CAPZB: variants seen among roughly 807,000 people sequenced by gnomAD.
CAPZB encodes the protein F-actin-capping protein subunit beta.
In CAPZB, 2 loss-of-function variants were observed where a neutral mutation model predicts 38.1. That is an observed-to-expected ratio of 0.05 (90% CI 0.02 to 0.17). The LOEUF is 0.17. Among genes scored for constraint, CAPZB ranks in the 10% least tolerant of loss-of-function variants. The pLI is 1.00. For synonymous variants in CAPZB, 107 were observed against 127.4 expected, an observed-to-expected ratio of 0.84 and a Z score of 1.08; for missense variants, 161 against 334.2, an observed-to-expected ratio of 0.48 and a Z score of 4.04.
intron 1 of CAPZB, among the ~76,000 whole-genome samples, chr1:19,471,670 CT>C (rs1178834687): frequency 1.3e-5 from 2 of 152,056 alleles, no homozygotes; most frequent in African/African-American, 4.8e-5. Flanking sequence ...CAAGACCATC[CT>C]GGCTAACACG....
chr1:19,438,256 C>T (rs558829135), intron 1 of CAPZB, among the ~76,000 whole-genome samples: 11 of 152,216 alleles, frequency 7.2e-5, no homozygotes, highest in Admixed American at 6.5e-5. Context: ...CTGGGGAGAG[C>T]AGGGAGGCAG....
chr1:19,448,921 A>T, intron 1 of CAPZB: 2 of 1,612,792 alleles, frequency 1.2e-6, no homozygotes, highest in East Asian at 2.2e-5. Flanking sequence ...GCATTGGAGG[A>T]GGTGATGGGT....
chr1:19,484,751 C>G (rs896860531), intron 1 of CAPZB: 2 of 1,029,534 alleles, frequency 1.9e-6, no homozygotes, highest in Non-Finnish European at 2.3e-6. Flanking sequence ...ACGCAGGTTA[C>G]GCTAGGAGTG....
intron 1 of CAPZB, chr1:19,448,942 C>T (rs530077268): frequency 6.2e-7 from 1 of 1,612,364 alleles, no homozygotes; most frequent in East Asian, 2.2e-5. Context: ...TAATAACAAT[C>T]GTTTTGCAGG....
chr1:19,483,152 T>G (rs1224067767), intron 1 of CAPZB, among the ~76,000 whole-genome samples: 1 of 152,218 alleles, frequency 6.6e-6, no homozygotes, highest in Non-Finnish European at 1.5e-5. Flanking sequence ...ATACAGCTAT[T>G]TCACTATAAA....
chr1:19,464,251 G>A (rs539526618), intron 1 of CAPZB, among the ~76,000 whole-genome samples: 4 of 148,546 alleles, frequency 2.7e-5, no homozygotes, highest in Admixed American at 2.0e-4. Flanking sequence ...AAAGAAAACC[G>A]AAAAAGAAAA....
chr1:19,477,671 C>T (rs888687131), intron 1 of CAPZB, among the ~76,000 whole-genome samples: 3 of 152,208 alleles, frequency 2.0e-5, no homozygotes, highest in South Asian at 2.1e-4. Context: ...AAAAGGGCAC[C>T]GGTACCACCG....
chr1:19,464,020 CAAA>C (rs35097598), intron 1 of CAPZB, among the ~76,000 whole-genome samples: 8 of 124,588 alleles, frequency 6.4e-5, no homozygotes, highest in Non-Finnish European at 6.7e-5. Flanking sequence ...ACTAAAAATA[CAAA>C]AAAAAAAAAA....
intron 1 of CAPZB, among the ~76,000 whole-genome samples, chr1:19,444,018 C>T (rs74395512): frequency 5.3e-5 from 8 of 152,138 alleles, no homozygotes; most frequent in Non-Finnish European, 7.3e-5. Flanking sequence ...ATTAGCCGGG[C>T]GTGGCGGAGC....
chr1:19,345,272 T>C lies in CAPZB; in HGVS notation c.589-20A>G, dbSNP rs72651465. The C allele has an allele frequency of 1.9e-6, 3 of 1,604,770 alleles. No homozygotes were observed. Among genetic ancestry groups the C allele is most frequent in the Non-Finnish European group, 2.6e-6 (3 of 1,172,158 alleles). Reference sequence around the variant, plus strand: ...CTCCATCTGCAAAAGACAGAAACATTCCAAGTCAGAGAAAGCCAGAGATTT... The same window carrying C: ...CTCCATCTGCAAAAGACAGAAACATCCCAAGTCAGAGAAAGCCAGAGATTT... On this transcript the variant is annotated intron_variant, in intron 6 of 8. Coordinates refer to ENST00000264202, the MANE Select transcript of CAPZB (RefSeq NM_004930.5).
At chr1:19,434,544 G>A (rs1230960985) in intron 1 of CAPZB, among the ~76,000 whole-genome samples, 2 of 109,320 alleles carry the variant, frequency 1.8e-5, no homozygotes, top group Non-Finnish European at 3.8e-5. Context: ...GACCAACAGA[G>A]TAAGCCTTTT....
intron 4 of CAPZB, among the ~76,000 whole-genome samples, chr1:19,365,750 C>T (rs529317173): frequency 4.2e-4 from 64 of 152,124 alleles, no homozygotes; most frequent in African/African-American, 1.4e-3. Flanking sequence ...AGGAGAATCG[C>T]TTGAACCCGG....
rs372361210 is a variant in CAPZB, at chr1:19,353,243, C to T, written c.588+3392G>A. On this transcript the variant is annotated intron_variant, in intron 6 of 8. Transcript: ENST00000264202. ...CACTGTGGGCCTGGGGAGACAGCTC[C>T]AAAACCAAGCAGCCTTCCTTCCTGA... Among the ~76,000 whole-genome samples the T allele has an allele frequency of 6.6e-5, 10 of 152,274 alleles. 1 individual carries two copies.
At chr1:19,477,974 C>T (rs1169268155) in intron 1 of CAPZB, among the ~76,000 whole-genome samples, 1 of 152,226 alleles carries the variant, frequency 6.6e-6, no homozygotes, top group Non-Finnish European at 1.5e-5. Context: ...AGCCCAAACA[C>T]TGTTAAATAA....
At chr1:19,410,550 G>C (rs1428985379) in intron 2 of CAPZB, among the ~76,000 whole-genome samples, 5 of 152,132 alleles carry the variant, frequency 3.3e-5, no homozygotes, top group East Asian at 3.9e-4. Context: ...AACTGAGCCC[G>C]GGTTCCCCAC....
chr1:19,475,958 T>A (rs143191758), intron 1 of CAPZB, among the ~76,000 whole-genome samples: 1 of 152,222 alleles, frequency 6.6e-6, no homozygotes, highest in East Asian at 1.9e-4. Context: ...CTCCTAAGGA[T>A]AAGAAACAAA....
At chr1:19,469,867 C>T (rs2094581209) in intron 1 of CAPZB, among the ~76,000 whole-genome samples, 2 of 151,944 alleles carry the variant, frequency 1.3e-5, no homozygotes, top group African/African-American at 2.4e-5. Flanking sequence ...GCACCCAGGT[C>T]GGGGGGTATT....
chr1:19,411,282 G>A (rs1055575861), intron 2 of CAPZB, among the ~76,000 whole-genome samples: 4 of 152,188 alleles, frequency 2.6e-5, no homozygotes, highest in African/African-American at 7.2e-5. Context: ...AAAGAGGGAA[G>A]AGTCAAATTG....
intron 1 of CAPZB, chr1:19,448,998 A>G (rs10442635): frequency 0.26 from 412,737 of 1,577,008 alleles, 54,462 homozygotes; most frequent in Admixed American, 0.27. Flanking sequence ...TGACGTGACT[A>G]GGGACGCTGC....
Sources: gnomAD v4.1 joint callset for allele counts (sites outside exome capture counted in the v4.1 genomes callset) on GRCh38, gnomAD v4.1.1 for gene constraint, MANE v1.5 for transcripts, NCBI Gene and HGNC (gene_info 2026-07-23, HGNC 2026-07-21) for gene names.